The following EPB41 variants were observed in gnomAD, a reference collection of about 807,000 sequenced individuals.
The protein encoded by EPB41 is protein 4.1.
EPB41 carries 65 observed loss-of-function variants against 108.0 expected under a neutral mutation model. The observed-to-expected ratio is 0.60, with a 90% confidence interval of 0.49 to 0.74. EPB41 has a LOEUF of 0.74. Ranked by LOEUF, EPB41 falls within the 30% of genes least tolerant of loss-of-function variation. The pLI, the probability that EPB41 is intolerant of heterozygous loss-of-function variation, is 0.00. For synonymous variants in EPB41, 336 were observed against 358.9 expected (o/e 0.94, Z 0.72); for missense variants, 875 against 1,037.0 (o/e 0.84, Z 2.15).
rs184592808 is a variant in EPB41, at chr1:29,095,980, T to C, written c.2185-1827T>C. Among the ~76,000 whole-genome samples the C allele has an allele frequency of 1.8e-3, 269 of 152,334 alleles. 1 individual carries two copies. Among genetic ancestry groups the C allele is most frequent in the African/African-American group, 6.0e-3 (251 of 41,572 alleles). ...CTTAGGTTGGAACTGCTTAAGCTGC[T>C]GATAATGTGTAGTGAACAGCAGCTC... On this transcript the variant is annotated intron_variant, in intron 16 of 20. Coordinates refer to ENST00000343067, the MANE Select transcript of EPB41 (RefSeq NM_001376013.1).
At chr1:29,102,016 C>T (rs1018295076) in intron 17 of EPB41, among the ~76,000 whole-genome samples, 1 of 152,208 alleles carries the variant, frequency 6.6e-6, no homozygotes, top group South Asian at 2.1e-4. Context: ...AGAAATGTGT[C>T]AGTCGAGAGA....
At chr1:29,067,495 CAAAAAAA>C (rs71022390) in intron 16 of EPB41, among the ~76,000 whole-genome samples, 1 of 25,614 alleles carries the variant, frequency 3.9e-5, no homozygotes, top group Non-Finnish European at 6.4e-5. Flanking sequence ...GACTCTGTCT[CAAAAAAA>C]AAAAAAAAAA....
chr1:28,943,667 A>G (rs1226804443), intron 1 of EPB41, among the ~76,000 whole-genome samples: 1 of 152,072 alleles, frequency 6.6e-6, no homozygotes, highest in African/African-American at 2.4e-5. Context: ...AAAAAACAAA[A>G]CAAACACACT....
Position 28,987,573 on chromosome 1 carries a change from G to A in EPB41, c.136G>A (p.Asp46Asn). The change falls in exon 2 of 21, where the codon GAT (aspartate) becomes AAT (asparagine). Residue 46 changes from aspartate (D) to asparagine (N), a missense_variant. Physicochemically the swap from Asp to Asn is conservative, Grantham distance 23 (BLOSUM62 1). Transcript: ENST00000343067. Reference sequence around the variant, plus strand: ...ATCTTGTCAAACAGCAGCTGAAGGAGATAATTGGTGTGAACAGAAGCTGAA... The same window carrying A: ...ATCTTGTCAAACAGCAGCTGAAGGAAATAATTGGTGTGAACAGAAGCTGAA... The part of the protein sequence containing the change: ...EESCQTAAEG[D>N]NWCEQKLKAS... 6.2e-7 allele frequency: 1 copy of A among 1,614,160 alleles called. No individual in the cohort carries two copies.
Position 29,033,113 on chromosome 1 carries a change from C to A in EPB41, c.1233C>A (p.Ile411=). 1 of 1,613,862 alleles carries A rather than the reference C, an allele frequency of 6.2e-7. No individual in the cohort carries two copies. Among genetic ancestry groups the A allele is most frequent in the Non-Finnish European group, 8.5e-7 (1 of 1,179,892 alleles). Residue 411 remains isoleucine, a synonymous_variant, in exon 9 of 21, where the codon ATC becomes ATA. Transcript: ENST00000343067. ...HKAKDLEGVD[I]ILGVCSSGLL... ...TTCAGGACTTGGAAGGAGTAGATAT[C>A]ATCCTAGGTGTCTGCTCTAGTGGCC...
intron 16 of EPB41, among the ~76,000 whole-genome samples, chr1:29,095,470 C>G (rs769660671): frequency 2.6e-5 from 4 of 152,144 alleles, no homozygotes; most frequent in Non-Finnish European, 5.9e-5. Flanking sequence ...AAATATGAAA[C>G]ATTTTTCAAC....
chr1:29,083,668 G>A (rs1194421210), intron 16 of EPB41, among the ~76,000 whole-genome samples: 1 of 152,128 alleles, frequency 6.6e-6, no homozygotes, highest in Non-Finnish European at 1.5e-5. Context: ...TCAGGCTAAT[G>A]TGCCTACTGA....
chr1:28,982,644 GC>G, intron 1 of EPB41: 1 of 914,288 alleles, frequency 1.1e-6, no homozygotes, highest in Non-Finnish European at 1.8e-6. Flanking sequence ...ACAGCAAAAA[GC>G]CCATCATGGT....
intron 19 of EPB41, among the ~76,000 whole-genome samples, chr1:29,113,051 T>C (rs1669734806): frequency 6.6e-6 from 1 of 152,186 alleles, no homozygotes; most frequent in African/African-American, 2.4e-5. Context: ...CAAATCACTT[T>C]TCCGCTGATT....
intron 14 of EPB41, among the ~76,000 whole-genome samples, 169 bp from the exon 15 acceptor site, chr1:29,060,253 A>G (rs571296689): frequency 1.3e-5 from 2 of 152,290 alleles, no homozygotes; most frequent in South Asian, 4.1e-4. Flanking sequence ...TCTTGTGGTA[A>G]TCATGTTCTG....
chr1:29,108,348 A>G (rs1057055855), intron 17 of EPB41, among the ~76,000 whole-genome samples: 3 of 150,152 alleles, frequency 2.0e-5, no homozygotes, highest in Non-Finnish European at 4.4e-5. Flanking sequence ...GGGTTTCTCC[A>G]TGTTGGTCAT....
chr1:29,113,539 G>T (rs1198493202), intron 19 of EPB41, among the ~76,000 whole-genome samples: 1 of 152,214 alleles, frequency 6.6e-6, no homozygotes, highest in African/African-American at 2.4e-5. Flanking sequence ...AGTCTGGTGT[G>T]ATCTGAGCCC....
At position 28,922,788 on chromosome 1, in the gene EPB41, C is replaced by T. The variant is rs141014931; in HGVS notation, c.-8+8020C>T. On this transcript the variant is annotated intron_variant, in intron 1 of 20. Transcript: ENST00000343067. ...GACTATAGGTGTGTGCTACCATGCCCGGCTAATTTTTGTATTTTTTAGTAG... is the reference window on the plus strand; with the variant it reads ...GACTATAGGTGTGTGCTACCATGCCTGGCTAATTTTTGTATTTTTTAGTAG... 3.6e-3 allele frequency among the ~76,000 whole-genome samples: 552 copies of T among 151,928 alleles called. 2 individuals carry two copies. Among genetic ancestry groups the T allele is most frequent in the African/African-American group, 9.3e-3 (385 of 41,408 alleles).
chr1:28,887,297 C>G lies in EPB41; in HGVS notation c.-8+87C>G. The G allele has an allele frequency of 8.1e-7, 1 of 1,230,638 alleles. No homozygotes were observed. The highest frequency in any genetic ancestry group is 3.1e-5 in the Admixed American group (1 of 32,296). The allele number at this position is 1,230,638 out of a possible 1,614,324, so 76.2% of individuals were successfully genotyped here. On this transcript the variant is annotated intron_variant, in intron 1 of 16. Coordinates refer to the EPB41 transcript ENST00000347529. The surrounding 1 kb of genome is among the most constrained non-coding windows in gnomAD (Gnocchi z 4.9). ...AAGAACCTACCCCCAAGGGCTCGGA[C>G]CGTCCCGGGAGAGGCGAGACCAGGG...
intron 1 of EPB41, among the ~76,000 whole-genome samples, chr1:28,933,223 G>A (rs2093836975): frequency 6.6e-6 from 1 of 152,176 alleles, no homozygotes; most frequent in South Asian, 2.1e-4. Flanking sequence ...TTGTCTTTGA[G>A]TCTGTCTTGT....
chr1:28,968,522 T>C (rs2095416090), intron 1 of EPB41, among the ~76,000 whole-genome samples: 1 of 152,142 alleles, frequency 6.6e-6, no homozygotes, highest in African/African-American at 2.4e-5. Flanking sequence ...TCTAAAAATT[T>C]ATGATTGTAT....
chr1:29,089,720 A>G (rs989573687), intron 16 of EPB41, among the ~76,000 whole-genome samples: 4 of 152,310 alleles, frequency 2.6e-5, no homozygotes, highest in Non-Finnish European at 4.4e-5. Context: ...ATATATGTGG[A>G]GTTGTAGCTG....
At chr1:28,909,122 G>A (rs1431528717) in intron 1 of EPB41, among the ~76,000 whole-genome samples, 4 of 143,720 alleles carry the variant, frequency 2.8e-5, no homozygotes, top group Admixed American at 1.5e-4. Flanking sequence ...CTGGGCCATT[G>A]CACTCATCCT....
At chr1:28,975,985 A>G (rs1486224579) in intron 1 of EPB41, among the ~76,000 whole-genome samples, 2 of 151,500 alleles carry the variant, frequency 1.3e-5, no homozygotes, top group African/African-American at 2.4e-5. Context: ...AAATATGTAC[A>G]TGGGCGGGGA....
Sources: allele counts gnomAD v4.1 joint callset (sites outside exome capture counted in the v4.1 genomes callset), GRCh38; gene constraint gnomAD v4.1.1; non-coding constraint Gnocchi (gnomAD v3.1); transcripts MANE v1.5; gene names NCBI Gene and HGNC (gene_info 2026-07-23, HGNC 2026-07-21).